Variants in HNRNPC observed in about 807,000 individuals in gnomAD.
HNRNPC encodes heterogeneous nuclear ribonucleoprotein C.
Under a neutral mutation model 33.2 loss-of-function variants are expected in HNRNPC, and 3 were observed. The observed-to-expected ratio is 0.09, with a 90% CI of 0.04 to 0.23. The LOEUF is 0.23. Among genes scored for constraint, HNRNPC ranks in the 10% least tolerant of loss-of-function variants. HNRNPC has a pLI of 1.00. For missense variants in HNRNPC, 143 were observed against 366.7 expected (o/e 0.39, Z 4.98); for synonymous variants, 121 against 126.7 (o/e 0.96, Z 0.30).
At chr14:21,268,367 G>C (rs1038054420) in intron 1 of HNRNPC, among the ~76,000 whole-genome samples, 12 of 152,126 alleles carry the variant, frequency 7.9e-5, no homozygotes, top group South Asian at 4.1e-4. Flanking sequence ...AAATTCTCAA[G>C]TCTCGTAGTA....
intron 2 of HNRNPC, among the ~76,000 whole-genome samples, chr14:21,262,310 C>T (rs1878379749): frequency 6.6e-6 from 1 of 152,184 alleles, no homozygotes; most frequent in South Asian, 2.1e-4. Context: ...AGGGACTCCC[C>T]AATATGTTTT....
At chr14:21,225,655 G>A (rs1288132409) in intron 5 of HNRNPC, among the ~76,000 whole-genome samples, 2 of 151,966 alleles carry the variant, frequency 1.3e-5, no homozygotes, top group Non-Finnish European at 2.9e-5. Context: ...TGTAGGTAGG[G>A]TCCACGAGAT....
chr14:21,238,988 G>A lies in HNRNPC; in HGVS notation c.-36-4759C>T, dbSNP rs142240253. Among the ~76,000 whole-genome samples, 41 of 152,230 alleles carry A rather than the reference G, an allele frequency of 2.7e-4. No individual in the cohort carries two copies. In the East Asian group the frequency reaches 7.2e-3, roughly 27 times the overall value. On this transcript the variant is annotated intron_variant, in intron 2 of 8. Transcript: ENST00000553300. ...CTAAAAATACAAAAATCAGCCATGC[G>A]TGGTGGCCTGCACCTGTAGTCCCAG...
At chr14:21,241,739 T>G (rs1436206775) in intron 2 of HNRNPC, among the ~76,000 whole-genome samples, 1 of 152,226 alleles carries the variant, frequency 6.6e-6, no homozygotes, top group Non-Finnish European at 1.5e-5. Context: ...TATGTGCATT[T>G]TAATTTGCTG....
intron 2 of HNRNPC, among the ~76,000 whole-genome samples, chr14:21,235,800 T>C (rs1894635440): frequency 6.6e-6 from 1 of 152,180 alleles, no homozygotes; most frequent in African/African-American, 2.4e-5. Context: ...TTTAAGCAAC[T>C]ATTTTTCACA....
chr14:21,257,641 A>G (rs1594323644), intron 2 of HNRNPC, among the ~76,000 whole-genome samples: 1 of 152,100 alleles, frequency 6.6e-6, no homozygotes, highest in East Asian at 1.9e-4. Flanking sequence ...GCTGGAGTAC[A>G]GTGGCGCAAT....
In HNRNPC at chr14:21,221,204, T is replaced by A. The variant is rs554600316; in HGVS notation, c.366-8087A>T. On this transcript the variant is annotated intron_variant, in intron 5 of 8. Coordinates refer to ENST00000553300, the MANE Select transcript of HNRNPC (RefSeq NM_004500.4). ...ACAAATACCAGTTTATTTCTACAGA[T>A]GACTTTCTCCTATTTACTCTTTCAA... 2.6e-5 allele frequency among the ~76,000 whole-genome samples: 4 copies of A among 152,352 alleles called. No individual in the cohort carries two copies. The East Asian group carries it at 7.7e-4, about 29-fold the overall frequency.
intron 2 of HNRNPC, among the ~76,000 whole-genome samples, chr14:21,254,838 G>A (rs1187775140): frequency 1.3e-4 from 20 of 149,448 alleles, no homozygotes; most frequent in Middle Eastern, 3.4e-3. Context: ...TCCGGGAGGC[G>A]GAGGTTGCGG....
At chr14:21,229,535 G>C (rs1893874113) in intron 5 of HNRNPC, among the ~76,000 whole-genome samples, 2 of 152,068 alleles carry the variant, frequency 1.3e-5, no homozygotes, top group Non-Finnish European at 2.9e-5. Flanking sequence ...GCCTTCTAAT[G>C]ACTACGTACC....
chr14:21,268,253 C>A (rs771923492), intron 1 of HNRNPC, among the ~76,000 whole-genome samples: 1 of 152,132 alleles, frequency 6.6e-6, no homozygotes, highest in Non-Finnish European at 1.5e-5. Flanking sequence ...CTTAATATAA[C>A]GTAGCTGTGA....
rs1891766217 is a variant in HNRNPC at position 21,212,832 on chromosome 14, C to CA, written c.523+127dup. 5 of 1,229,588 alleles carry CA rather than the reference C, an allele frequency of 4.1e-6. No individual in the cohort carries two copies. In the Admixed American group the frequency reaches 9.0e-5, roughly 22 times the overall value. The allele number at this position is 1,229,588 out of a possible 1,614,324, so 76.2% of individuals were successfully genotyped here. A position where few individuals can be genotyped will look rare whatever the true frequency, so the allele number is the denominator to read the frequency against. ...TGCTGGGATTACAGGCATGAGCCAC[C>CA]ACACACCCAGCCTCTTCCATTATTT... On this transcript the variant is annotated intron_variant, in intron 6 of 8. Transcript: ENST00000553300.
chr14:21,212,280 G>A (rs530841243), intron 6 of HNRNPC, among the ~76,000 whole-genome samples: 1 of 152,060 alleles, frequency 6.6e-6, no homozygotes, highest in African/African-American at 2.4e-5. Context: ...TGGGGCTACA[G>A]GCACGCACCA....
rs753179475 is a variant in HNRNPC, at chr14:21,259,027, A to T, written c.-37+4284T>A. On this transcript the variant is annotated intron_variant, in intron 2 of 8. Transcript: ENST00000553300. ...TCAATAGATTCTACTTGTGCCCAAG[A>T]CAGGATCTTAAACAAGACCCTCTAA... 2.6e-5 allele frequency among the ~76,000 whole-genome samples: 4 copies of T among 152,188 alleles called. No individual in the cohort carries two copies. The South Asian group carries it at 8.3e-4, about 32-fold the overall frequency.
chr14:21,218,972 T>C (rs1287367368), intron 5 of HNRNPC, among the ~76,000 whole-genome samples: 12 of 151,634 alleles, frequency 7.9e-5, no homozygotes, highest in Non-Finnish European at 1.5e-5. Flanking sequence ...TAGCTGGGCA[T>C]GGTGGCACAT....
At chr14:21,253,457 A>T (rs1896882181) in intron 2 of HNRNPC, among the ~76,000 whole-genome samples, 1 of 97,410 alleles carries the variant, frequency 1.0e-5, no homozygotes, top group African/African-American at 4.5e-5. Context: ...TCTAGACTCC[A>T]TCTCAAAAAA....
chr14:21,235,767 T>C (rs1395634172), intron 2 of HNRNPC, among the ~76,000 whole-genome samples: 1 of 152,184 alleles, frequency 6.6e-6, no homozygotes, highest in African/African-American at 2.4e-5. Flanking sequence ...TTCCCATTAT[T>C]ACAAGTGGAG....
At chr14:21,253,347 G>T (rs1896872138) in intron 2 of HNRNPC, among the ~76,000 whole-genome samples, 1 of 149,000 alleles carries the variant, frequency 6.7e-6, no homozygotes, top group Non-Finnish European at 1.5e-5. Flanking sequence ...TTAGCTGGAT[G>T]CCTGTAGTCC....
intron 2 of HNRNPC, among the ~76,000 whole-genome samples, chr14:21,237,857 C>T (rs907176413): frequency 1.3e-5 from 2 of 152,070 alleles, no homozygotes; most frequent in African/African-American, 2.4e-5. Flanking sequence ...CTGCAACCTA[C>T]GCCTCCCTGT....
chr14:21,234,877 T>C (rs1894510493), intron 2 of HNRNPC: 1 of 111,278 alleles, frequency 9.0e-6, no homozygotes, highest in African/African-American at 2.6e-5. Flanking sequence ...TTTAGATACA[T>C]AAGTATCAAT....
Sources: allele counts gnomAD v4.1 joint callset (sites outside exome capture counted in the v4.1 genomes callset), GRCh38; gene constraint gnomAD v4.1.1; transcripts MANE v1.5; gene names NCBI Gene and HGNC (gene_info 2026-07-23, HGNC 2026-07-21).